The following SNRPD3 variants were observed in gnomAD, a reference collection of about 807,000 sequenced individuals.
SNRPD3 encodes small nuclear ribonucleoprotein Sm D3.
For synonymous variants in SNRPD3, 66 were observed against 58.4 expected (o/e 1.13, Z -0.59); for missense variants, 73 against 167.5 (o/e 0.44, Z 3.11).
At chr22:24,555,866 CT>C, upstream of SNRPD3, 2 of 1,525,706 alleles carry the variant, frequency 1.3e-6, no homozygotes, top group Non-Finnish European at 1.8e-6. Flanking sequence ...TACTGGTGCC[CT>C]AGTTTCCCAG....
intron 2 of SNRPD3, among the ~76,000 whole-genome samples, chr22:24,560,501 G>A (rs1415675699): frequency 8.0e-6 from 1 of 125,578 alleles, no homozygotes; most frequent in Non-Finnish European, 1.6e-5. Flanking sequence ...CTGGAGTGCA[G>A]TGGCATGATC....
chr22:24,565,119 A>C (rs763269627), intron 2 of SNRPD3, among the ~76,000 whole-genome samples: 1 of 151,892 alleles, frequency 6.6e-6, no homozygotes, highest in Non-Finnish European at 1.5e-5. Flanking sequence ...TCCTGACCTC[A>C]AGCAGTCCTC....
At chr22:24,562,743 A>G (rs1403609247) in intron 2 of SNRPD3, among the ~76,000 whole-genome samples, 3 of 152,180 alleles carry the variant, frequency 2.0e-5, no homozygotes, top group Admixed American at 2.0e-4. Flanking sequence ...TGGCAGGATA[A>G]AAGTAGATGC....
At chr22:24,556,374 TTG>T (rs76676537) in intron 1 of SNRPD3, among the ~76,000 whole-genome samples, 9,233 of 59,744 alleles carry the variant, frequency 0.15, 722 homozygotes, top group African/African-American at 0.32. Context: ...GAGTTTTTTT[TTG>T]TTTTTTTTTT....
intron 1 of SNRPD3, among the ~76,000 whole-genome samples, chr22:24,556,765 GC>G (rs781123292): frequency 9.2e-5 from 14 of 152,242 alleles, no homozygotes; most frequent in Admixed American, 2.0e-4. Flanking sequence ...AAGGCTGAAA[GC>G]CAGGGATCCT....
chr22:24,569,901 C>T (rs770088837), intron 3 of SNRPD3, among the ~76,000 whole-genome samples: 1 of 152,226 alleles, frequency 6.6e-6, no homozygotes, highest in Non-Finnish European at 1.5e-5. Context: ...ATGGAGTTTC[C>T]TCCCGGCACA....
At chr22:24,568,481 A>G (rs2045216679) in intron 3 of SNRPD3, among the ~76,000 whole-genome samples, 1 of 151,326 alleles carries the variant, frequency 6.6e-6, no homozygotes, top group African/African-American at 2.4e-5. Context: ...AGCTGAGATT[A>G]CAGTGCGCAC....
chr22:24,568,835 G>C (rs767461740), intron 3 of SNRPD3, among the ~76,000 whole-genome samples: 18 of 152,076 alleles, frequency 1.2e-4, no homozygotes, highest in Non-Finnish European at 2.5e-4. Flanking sequence ...GATTACAGGC[G>C]TGAGCCACTG....
At chr22:24,569,391 C>T (rs1479625996) in intron 3 of SNRPD3, among the ~76,000 whole-genome samples, 2 of 152,190 alleles carry the variant, frequency 1.3e-5, no homozygotes, top group East Asian at 1.9e-4. Context: ...AAAAGGTTTG[C>T]AGCCAAGGAA....
intron 2 of SNRPD3, among the ~76,000 whole-genome samples, chr22:24,564,883 C>CTTTTTTTTTTTTTTTTTTTTTT (rs371010665): frequency 2.4e-5 from 3 of 127,166 alleles, no homozygotes; most frequent in Non-Finnish European, 1.7e-5. Flanking sequence ...TTGCCTTGTT[C>CTTTTTTTTTTTTTTTTTTTTTT]ATTTTTTTTT....
chr22:24,563,106 G>A (rs1401119694), intron 2 of SNRPD3, among the ~76,000 whole-genome samples: 1 of 152,020 alleles, frequency 6.6e-6, no homozygotes, highest in Non-Finnish European at 1.5e-5. Flanking sequence ...ATTGGCTCAT[G>A]CCTGTAATCC....
chr22:24,573,319 G>GCC lies in SNRPD3; in HGVS notation c.*1343_*1344dup. On this transcript the variant is annotated 3_prime_UTR_variant, in exon 4 of 4. Coordinates refer to ENST00000215829, the MANE Select transcript of SNRPD3 (RefSeq NM_004175.5). ...AATCAAATCACCAAAAAGAGGTCTT[G>GCC]CCAGGTATTCATTATGGTATGAGCT... is the stretch of plus-strand genomic sequence containing the variant. Among the ~76,000 whole-genome samples, 1 of 152,316 alleles carries GCC rather than the reference G, an allele frequency of 6.6e-6. No individual in the cohort carries two copies. Among genetic ancestry groups the GCC allele is most frequent in the Middle Eastern group, 3.4e-3 (1 of 294 alleles).
At chr22:24,563,206 A>ATGTATG (rs1236625723) in intron 2 of SNRPD3, among the ~76,000 whole-genome samples, 2 of 106,142 alleles carry the variant, frequency 1.9e-5, no homozygotes, top group African/African-American at 5.6e-5. Context: ...TGTCTCATAT[A>ATGTATG]TGTGTGTGTG....
rs990199072 is a variant in SNRPD3 at position 24,573,002 on chromosome 22, A to G, written c.*1025A>G. 6.6e-6 allele frequency among the ~76,000 whole-genome samples: 1 copy of G among 152,128 alleles called. No homozygotes were observed. Among genetic ancestry groups the G allele is most frequent in the Admixed American group, 6.5e-5 (1 of 15,270 alleles). On this transcript the variant is annotated 3_prime_UTR_variant, in exon 4 of 4. Transcript: ENST00000215829. Reference sequence around the variant, plus strand: ...TAGAGGATTGTTTGAGAGGAGTTCAAAACCAGCCCGCGAGACATAGTGAGA... The same window carrying G: ...TAGAGGATTGTTTGAGAGGAGTTCAGAACCAGCCCGCGAGACATAGTGAGA...
Position 24,567,991 on chromosome 22 carries a change from A to G in SNRPD3, c.134A>G (p.Asn45Ser), listed in dbSNP as rs758398206. ...CTGGTGATTTCCTTCCAGATGTCCA[A>G]CATCACAGTCACATACAGAGATGGC... ...AEDNMNCQMSNITVTYRDGRV... is the reference protein window; with the variant it reads ...AEDNMNCQMSSITVTYRDGRV... The change falls in exon 3 of 4, where the codon AAC (asparagine) becomes AGC (serine). Residue 45 changes from asparagine (N) to serine (S), a missense_variant. Transcript: ENST00000215829. The G allele has an allele frequency of 1.1e-5, 18 of 1,593,990 alleles. No homozygotes were observed. The South Asian group carries it at 1.6e-4, about 14-fold the overall frequency.
rs1363165911 is a variant in SNRPD3, at chr22:24,556,016, C to A, written c.-74C>A. On this transcript the variant is annotated 5_prime_UTR_variant, in exon 1 of 4. Transcript: ENST00000215829. Reference sequence around the variant, plus strand: ...GGCCCGCCATTCGCTTGACTCACGCCTTCGCCGTAGCATCTTTCGCAGCGG... The same window carrying A: ...GGCCCGCCATTCGCTTGACTCACGCATTCGCCGTAGCATCTTTCGCAGCGG... The A allele has an allele frequency of 1.6e-6, 1 of 635,276 alleles. No homozygotes were observed. The highest frequency in any genetic ancestry group is 1.8e-5 in the African/African-American group (1 of 54,620). The allele number at this position is 635,276 out of a possible 1,614,324, so 39.4% of individuals were successfully genotyped here. A position where few individuals can be genotyped will look rare whatever the true frequency, so the allele number is the denominator to read the frequency against.
At chr22:24,557,445 T>C (rs1246061619) in intron 1 of SNRPD3, among the ~76,000 whole-genome samples, 3 of 151,878 alleles carry the variant, frequency 2.0e-5, no homozygotes, top group African/African-American at 7.3e-5. Flanking sequence ...GTCCATCCCA[T>C]CATTCCTCCT....
At chr22:24,571,110 C>T (rs1601572554) in intron 3 of SNRPD3, among the ~76,000 whole-genome samples, 1 of 152,166 alleles carries the variant, frequency 6.6e-6, no homozygotes, top group African/African-American at 2.4e-5. Context: ...TGAGCCACTG[C>T]ACCCAGCCTG....
chr22:24,555,711 G>T, upstream of SNRPD3: 3 of 1,550,680 alleles, frequency 1.9e-6, no homozygotes, highest in South Asian at 3.6e-5. Context: ...CAAGCCCCGC[G>T]TCTCCGCCTT....
Sources: allele counts gnomAD v4.1 joint callset (sites outside exome capture counted in the v4.1 genomes callset), GRCh38; gene constraint gnomAD v4.1.1; transcripts MANE v1.5; gene names NCBI Gene and HGNC (gene_info 2026-07-23, HGNC 2026-07-21).